The following PTPRT variants were observed in gnomAD, a reference collection of about 807,000 sequenced individuals.
PTPRT encodes the protein protein tyrosine phosphatase receptor type T, also known as receptor-type tyrosine-protein phosphatase T.
A neutral mutation model predicts 176.8 loss-of-function variants in PTPRT; 56 were observed. The ratio of observed to expected loss-of-function variants is 0.32; its 90% CI spans 0.26 to 0.40. The LOEUF is 0.40. Ranked by LOEUF, PTPRT falls within the 10% of genes least tolerant of loss-of-function variation. PTPRT has a pLI of 1.00. For missense variants in PTPRT, 1,540 were observed against 1,908.2 expected (o/e 0.81, Z 3.60); for synonymous variants, 783 against 739.0 (o/e 1.06, Z -0.96).
intron 9 of PTPRT, among the ~76,000 whole-genome samples, chr20:42,419,937 A>G (rs2059103156): frequency 6.6e-6 from 1 of 152,176 alleles, no homozygotes; most frequent in East Asian, 1.9e-4. Context: ...ATGCAGCCAC[A>G]AGCCCAGGAT....
chr20:42,765,408 G>A (rs529124546), intron 5 of PTPRT, among the ~76,000 whole-genome samples: 1 of 152,252 alleles, frequency 6.6e-6, no homozygotes, highest in East Asian at 1.9e-4. Context: ...GGGGGTGTGG[G>A]AAAAACCTGT....
At chr20:42,741,834 T>G (rs1366503639) in intron 6 of PTPRT, among the ~76,000 whole-genome samples, 1 of 152,008 alleles carries the variant, frequency 6.6e-6, no homozygotes, top group Non-Finnish European at 1.5e-5. Flanking sequence ...GGTCAATAAC[T>G]GCTAGATATG....
intron 1 of PTPRT, among the ~76,000 whole-genome samples, chr20:42,977,039 C>T (rs1982995554): frequency 6.6e-6 from 1 of 152,130 alleles, no homozygotes; most frequent in South Asian, 2.1e-4. Flanking sequence ...AGCCAGCCAG[C>T]CTGACTTAGC....
chr20:43,104,185 G>A (rs1051490310), intron 1 of PTPRT, among the ~76,000 whole-genome samples: 7 of 152,178 alleles, frequency 4.6e-5, no homozygotes, highest in African/African-American at 9.7e-5. Context: ...AACATTTGGA[G>A]TCTTGCCCTG....
chr20:42,448,112 C>T lies in PTPRT; in HGVS notation c.1560+108G>A, dbSNP rs1601043004. The T allele has an allele frequency of 8.0e-6, 7 of 873,382 alleles. No homozygotes were observed. The East Asian group carries it at 1.7e-4, about 21-fold the overall frequency. 54.1% of individuals were successfully genotyped at this position (873,382 alleles called of 1,614,324 possible). On this transcript the variant is annotated intron_variant, in intron 9 of 30. Transcript: ENST00000373187. Reference sequence around the variant, plus strand: ...CTGTCAGAAACCTTTTGGTATGTCTCATCTTACTCACCTTTATACGTTCAG... The same window carrying T: ...CTGTCAGAAACCTTTTGGTATGTCTTATCTTACTCACCTTTATACGTTCAG...
chr20:42,213,339 C>A (rs2055691752), intron 15 of PTPRT, among the ~76,000 whole-genome samples: 1 of 93,104 alleles, frequency 1.1e-5, no homozygotes, highest in African/African-American at 3.0e-5. Flanking sequence ...GGGTCCAGAT[C>A]TCCAGATATC....
At chr20:43,135,203 C>T (rs759714236) in intron 1 of PTPRT, among the ~76,000 whole-genome samples, 7 of 152,152 alleles carry the variant, frequency 4.6e-5, no homozygotes, top group Non-Finnish European at 8.8e-5. Context: ...TAGAAAGGCA[C>T]GATGCTGCCA....
intron 8 of PTPRT, among the ~76,000 whole-genome samples, chr20:42,470,662 G>C (rs1175297036): frequency 6.6e-6 from 1 of 152,014 alleles, no homozygotes; most frequent in African/African-American, 2.4e-5. Context: ...GGTGAGCCTG[G>C]GAAGAAACAT....
intron 6 of PTPRT, among the ~76,000 whole-genome samples, chr20:42,725,193 A>G (rs2076361937): frequency 1.3e-5 from 2 of 151,732 alleles, no homozygotes; most frequent in African/African-American, 4.8e-5. Flanking sequence ...ACGCCCGGCT[A>G]ATTTTGTATT....
intron 12 of PTPRT, among the ~76,000 whole-genome samples, chr20:42,311,258 T>C (rs2057624055): frequency 6.6e-6 from 1 of 152,156 alleles, no homozygotes; most frequent in African/African-American, 2.4e-5. Flanking sequence ...TTGACAGATG[T>C]TTCCTTAATT....
At chr20:42,364,460 A>G (rs2058487347) in intron 9 of PTPRT, among the ~76,000 whole-genome samples, 1 of 152,170 alleles carries the variant, frequency 6.6e-6, no homozygotes, top group Non-Finnish European at 1.5e-5. Flanking sequence ...TTACTATGAG[A>G]AGGTTTTGTA....
At chr20:42,329,165 G>A (rs2057928236) in intron 11 of PTPRT, among the ~76,000 whole-genome samples, 1 of 152,320 alleles carries the variant, frequency 6.6e-6, no homozygotes, top group East Asian at 1.9e-4. Flanking sequence ...CAGATGAATA[G>A]ATAGGCTTGC....
chr20:42,147,673 C>A (rs1988931895), intron 17 of PTPRT, among the ~76,000 whole-genome samples: 1 of 152,182 alleles, frequency 6.6e-6, no homozygotes, highest in Admixed American at 6.5e-5. Context: ...CCTCAACAAT[C>A]CTAAACCGAA....
chr20:42,624,516 A>G (rs1268977971), intron 7 of PTPRT, among the ~76,000 whole-genome samples: 2 of 152,206 alleles, frequency 1.3e-5, no homozygotes, highest in Non-Finnish European at 2.9e-5. Flanking sequence ...AAAAGGCTAG[A>G]CCTCAAGTAG....
At chr20:42,233,378 C>A (rs1242122099) in intron 15 of PTPRT, among the ~76,000 whole-genome samples, 1 of 152,192 alleles carries the variant, frequency 6.6e-6, no homozygotes, top group African/African-American at 2.4e-5. Flanking sequence ...ATAATCAATT[C>A]TCCCTCCCAT....
intron 5 of PTPRT, among the ~76,000 whole-genome samples, chr20:42,760,001 G>C (rs1021580158): frequency 3.3e-5 from 5 of 152,210 alleles, no homozygotes; most frequent in Non-Finnish European, 7.3e-5. Context: ...CACAACTGGA[G>C]TCAAGCTCCA....
At chr20:43,138,252 T>C (rs1370629941) in intron 1 of PTPRT, among the ~76,000 whole-genome samples, 1 of 152,196 alleles carries the variant, frequency 6.6e-6, no homozygotes, top group Admixed American at 6.5e-5. Context: ...GCCTTCTTTA[T>C]TCCAAAAGCT....
chr20:43,075,315 CT>C (rs1196500891), intron 1 of PTPRT, among the ~76,000 whole-genome samples: 1 of 152,284 alleles, frequency 6.6e-6, no homozygotes, highest in African/African-American at 2.4e-5. Context: ...CTTTCTCCAT[CT>C]ACCTGGCACG....
chr20:43,062,495 C>G (rs1987508873), intron 1 of PTPRT, among the ~76,000 whole-genome samples: 1 of 152,192 alleles, frequency 6.6e-6, no homozygotes, highest in African/African-American at 2.4e-5. Flanking sequence ...ATCTGAGTAA[C>G]AGCTTCAATT....
Sources: allele counts gnomAD v4.1 joint callset (sites outside exome capture counted in the v4.1 genomes callset), GRCh38; gene constraint gnomAD v4.1.1; transcripts MANE v1.5; gene names NCBI Gene and HGNC (gene_info 2026-07-23, HGNC 2026-07-21).